The following RGP1 variants were observed in gnomAD, a reference collection of about 807,000 sequenced individuals.
RGP1 encodes the protein RGP1 partner of RAB6A GEF complex, also known as RAB6A-GEF complex partner protein 2.
In RGP1, 28 loss-of-function variants were observed where a neutral mutation model predicts 44.5. That is an observed-to-expected ratio of 0.63 (90% confidence interval 0.47 to 0.86). The LOEUF is 0.86. Ranked by LOEUF, RGP1 falls within the 40% of genes least tolerant of loss-of-function variation. RGP1 has a pLI of 0.00. For synonymous variants in RGP1, 212 were observed against 196.7 expected (o/e 1.08, Z -0.65); for missense variants, 417 against 490.7 (o/e 0.85, Z 1.42).
In RGP1 at chr9:35,755,424, GGC is replaced by G. The variant is rs1448379360; in HGVS notation, c.*2551_*2552del. The G allele has an allele frequency of 6.6e-6, 1 of 152,220 alleles. No homozygotes were observed. The highest frequency in any genetic ancestry group is 1.5e-5 in the Non-Finnish European group (1 of 68,068). 9.4% of individuals were successfully genotyped at this position (152,220 alleles called of 1,614,324 possible). On this transcript the variant is annotated 3_prime_UTR_variant, in exon 9 of 9. Transcript: ENST00000378078. ...CTTCTATTGGGGATGGCTGTCTCCT[GGC>G]ATAGACCTCTGCACCTTTCACACTC...
At chr9:35,760,004 C>A (rs1402844189), downstream of RGP1, among the ~76,000 whole-genome samples, 8 of 151,458 alleles carry the variant, frequency 5.3e-5, no homozygotes, top group Admixed American at 1.3e-4. Context: ...TGAGGGGCAG[C>A]ATTGATTTCC....
downstream of RGP1, among the ~76,000 whole-genome samples, chr9:35,763,379 G>A (rs1046709273): frequency 6.6e-6 from 1 of 152,076 alleles, no homozygotes; most frequent in Non-Finnish European, 1.5e-5. Flanking sequence ...TGAGATTAAC[G>A]GAGTCCCTCC....
In RGP1 at chr9:35,758,487, G is replaced by A. The variant is rs1363748232; in HGVS notation, c.*5613G>A. ...GATCCTTATGATCTGTGTTATGTTG[G>A]GCCAAAGGTGATTACTTTATAAATT... On this transcript the variant is annotated 3_prime_UTR_variant, in exon 9 of 9. Coordinates refer to ENST00000378078, the MANE Select transcript of RGP1 (RefSeq NM_001080496.3). The A allele has an allele frequency of 2.6e-5, 4 of 151,880 alleles. No individual in the cohort carries two copies. The highest frequency in any genetic ancestry group is 4.4e-5 in the Non-Finnish European group (3 of 67,986). The allele number at this position is 151,880 out of a possible 1,614,324, so 9.4% of individuals were successfully genotyped here. A position where few individuals can be genotyped will look rare whatever the true frequency, so the allele number is the denominator to read the frequency against.
At chr9:35,770,531 G>GAGAT in the RGP1 span, among the ~76,000 whole-genome samples, 1 of 124,218 alleles carries the variant, frequency 8.1e-6, no homozygotes, top group African/African-American at 2.9e-5. Flanking sequence ...GAGAGAGAGA[G>GAGAT]AGAGAGAGTT....
chr9:35,755,706 T>C lies in RGP1; in HGVS notation c.*2832T>C, dbSNP rs1051711730. ...CTGCTGATCTGCCAGGAGGAGGAGC[T>C]CAGGCGGTAATGCTCACTCGCCTGC... is the stretch of plus-strand genomic sequence containing the variant. On this transcript the variant is annotated 3_prime_UTR_variant, in exon 9 of 9. Coordinates refer to ENST00000378078, the MANE Select transcript of RGP1 (RefSeq NM_001080496.3). 3.9e-5 allele frequency: 6 copies of C among 152,254 alleles called. No homozygotes were observed. The allele number at this position is 152,254 out of a possible 1,614,324, so 9.4% of individuals were successfully genotyped here. A position where few individuals can be genotyped will look rare whatever the true frequency, so the allele number is the denominator to read the frequency against.
downstream of RGP1, among the ~76,000 whole-genome samples, chr9:35,758,890 C>T (rs1276401178): frequency 1.3e-5 from 2 of 151,946 alleles, no homozygotes; most frequent in Non-Finnish European, 2.9e-5. Flanking sequence ...GTTTTTCCTC[C>T]TTTCTCTTTA....
chr9:35,786,949 A>T, the RGP1 span, among the ~76,000 whole-genome samples: 1 of 151,440 alleles, frequency 6.6e-6, no homozygotes, highest in South Asian at 2.1e-4. Flanking sequence ...CAAAAAAAAA[A>T]ATTAGCCGGG....
the RGP1 span, among the ~76,000 whole-genome samples, chr9:35,772,589 C>T: frequency 3.3e-5 from 5 of 151,760 alleles, no homozygotes; most frequent in Non-Finnish European, 7.4e-5. Flanking sequence ...GTCAGGGGAT[C>T]GAGACCATCC....
the RGP1 span, among the ~76,000 whole-genome samples, chr9:35,767,705 C>A: frequency 6.6e-6 from 1 of 152,114 alleles, no homozygotes; most frequent in African/African-American, 2.4e-5. Flanking sequence ...CTATCCATAG[C>A]AGACATCATT....
the RGP1 span, among the ~76,000 whole-genome samples, chr9:35,767,905 C>T: frequency 1.3e-5 from 2 of 152,162 alleles, no homozygotes; most frequent in South Asian, 2.1e-4. Context: ...CAGGTTCAAG[C>T]GATTCTTGTG....
chr9:35,759,140 GT>G (rs1344947681), downstream of RGP1, among the ~76,000 whole-genome samples: 2 of 152,220 alleles, frequency 1.3e-5, no homozygotes, highest in African/African-American at 2.4e-5. Flanking sequence ...CTCTCCCAAC[GT>G]TTTGCATCCA....
the RGP1 span, among the ~76,000 whole-genome samples, chr9:35,779,227 ACCACC>A: frequency 6.6e-6 from 1 of 152,074 alleles, no homozygotes; most frequent in African/African-American, 2.4e-5. Context: ...CCCATACCTT[ACCACC>A]CCACCTCCAT....
At chr9:35,783,316 T>G in the RGP1 span, among the ~76,000 whole-genome samples, 3 of 152,186 alleles carry the variant, frequency 2.0e-5, no homozygotes, top group Non-Finnish European at 4.4e-5. Flanking sequence ...ATCATTTCTT[T>G]GTGGTAAGAA....
chr9:35,780,717 AAAAC>A, the RGP1 span: 12 of 152,326 alleles, frequency 7.9e-5, no homozygotes, highest in South Asian at 4.2e-4. Context: ...CCAAAAATAC[AAAAC>A]AAACAAACAA....
Position 35,751,641 on chromosome 9 carries a change from A to G in RGP1, c.649A>G (p.Ser217Gly). 6.2e-7 allele frequency: 1 copy of G among 1,614,008 alleles called. No individual in the cohort carries two copies. ...SCRSLHLYNI[S>G]DGRGKVGTFG... ...ATTCTCCCCAGATCTATACAATATC[A>G]GTGATGGCCGAGGGAAAGTTGGGAC... Residue 217 changes from serine (S) to glycine (G), a missense_variant, in exon 7 of 9, where the codon AGT becomes GGT. By Grantham distance (56) the Ser-to-Gly change is moderately conservative (BLOSUM62 0). Coordinates refer to ENST00000378078, the MANE Select transcript of RGP1 (RefSeq NM_001080496.3).
At chr9:35,786,067 AT>A in the RGP1 span, among the ~76,000 whole-genome samples, 1 of 152,110 alleles carries the variant, frequency 6.6e-6, no homozygotes, top group African/African-American at 2.4e-5. Flanking sequence ...TTTGTTTCAG[AT>A]TTCTCCTCTT....
chr9:35,752,145 G>A lies in RGP1; in HGVS notation c.952G>A (p.Val318Met). 1.3e-6 allele frequency: 2 copies of A among 1,550,286 alleles called. No homozygotes were observed. Among genetic ancestry groups the A allele is most frequent in the Admixed American group, 2.0e-5 (1 of 50,296 alleles). Reference sequence around the variant, plus strand: ...CACCCCAGGCTTCTGTACAGCCATTGGTGAGACCCTCACTGTTACTGGAGA... The same window carrying A: ...CACCCCAGGCTTCTGTACAGCCATTAGTGAGACCCTCACTGTTACTGGAGA... Reference protein sequence around the residue: ...SSTPGFCTAIVSLKWRLHFEF... With the variant: ...SSTPGFCTAIMSLKWRLHFEF... The change falls in exon 8 of 9, where the codon GTG becomes ATG. Residue 318 changes from valine to methionine, a missense_variant and splice_region_variant. By Grantham distance (21) the Val-to-Met change is conservative. Transcript: ENST00000378078.
chr9:35,782,310 G>A, the RGP1 span, among the ~76,000 whole-genome samples: 1 of 152,172 alleles, frequency 6.6e-6, no homozygotes, highest in Non-Finnish European at 1.5e-5. Flanking sequence ...AGCATCAAGA[G>A]TCATTGTTTA....
In RGP1 at chr9:35,751,717, C is replaced by T. The variant is rs760647814; in HGVS notation, c.725C>T (p.Thr242Ile). 1.9e-6 allele frequency: 3 copies of T among 1,613,868 alleles called. No homozygotes were observed. The highest frequency in any genetic ancestry group is 2.5e-6 in the Non-Finnish European group (3 of 1,179,868). ...AGACTTGGCGAGGACGTGGTGGGGA[C>T]CTTAAACTTAGGGGAAGGAACCGTA... Reference protein sequence around the residue: ...VYRLGEDVVGTLNLGEGTVAC... With the variant: ...VYRLGEDVVGILNLGEGTVAC... Residue 242 changes from threonine to isoleucine, a missense_variant, in exon 7 of 9, where the codon ACC becomes ATC. Transcript: ENST00000378078.
Sources: gnomAD v4.1 joint callset for allele counts (sites outside exome capture counted in the v4.1 genomes callset) on GRCh38, gnomAD v4.1.1 for gene constraint, MANE v1.5 for transcripts, NCBI Gene and HGNC (gene_info 2026-07-23, HGNC 2026-07-21) for gene names.